The following PFN1 variants were observed in gnomAD, a reference collection of about 807,000 sequenced individuals.
PFN1 encodes profilin-1.
In PFN1, 2 loss-of-function variants were observed where a neutral mutation model predicts 11.7. The observed-to-expected ratio is 0.17, with a 90% CI of 0.07 to 0.54. The LOEUF is 0.54. PFN1 is among the 20% of genes least tolerant of loss of function. The probability of loss-of-function intolerance (pLI) is 0.94; values close to 1 mark genes in which losing one functional copy is unlikely to be tolerated. For synonymous variants in PFN1, 78 were observed against 76.2 expected (o/e 1.02, Z -0.12); for missense variants, 97 against 188.4 (o/e 0.51, Z 2.84).
At chr17:4,946,921 G>T in intron 1 of PFN1, 101 bp from the exon 2 acceptor site, 1 of 952,772 alleles carries the variant, frequency 1.0e-6, no homozygotes. Flanking sequence ...GAACCACCCC[G>T]CCGTGGGGGC....
chr17:4,946,322 G>A (rs1029181237), intron 2 of PFN1, among the ~76,000 whole-genome samples: 4 of 152,204 alleles, frequency 2.6e-5, no homozygotes, highest in African/African-American at 4.8e-5. Context: ...GAACTCAAAC[G>A]ATGAACTCGA....
chr17:4,946,251 T>C lies in PFN1; in HGVS notation c.326-254A>G, dbSNP rs78224458. Reference sequence around the variant, plus strand: ...GGGTCAAAGGCTCATAGACTGTTGATTCATGTGTTCAGGCTAGAAAGGGCT... The same window carrying C: ...GGGTCAAAGGCTCATAGACTGTTGACTCATGTGTTCAGGCTAGAAAGGGCT... On this transcript the variant is annotated intron_variant, in intron 2 of 2. Transcript: ENST00000225655. Among the ~76,000 whole-genome samples, 2,295 of 152,252 alleles carry C rather than the reference T, an allele frequency of 0.015. 123 individuals are homozygous for C. The highest frequency in any genetic ancestry group is 0.14 in the East Asian group (715 of 5,180).
chr17:4,948,058 G>A (rs1035940970), intron 1 of PFN1: 3 of 496,110 alleles, frequency 6.0e-6, no homozygotes, highest in African/African-American at 2.0e-5. Context: ...GGTAGCGGGC[G>A]GGATGGGCGC....
rs372205846 is a variant in PFN1, at chr17:4,946,780, C to T, written c.173G>A (p.Ser58Asn). 5.6e-6 allele frequency: 9 copies of T among 1,613,798 alleles called. No individual in the cohort carries two copies. The highest frequency in any genetic ancestry group is 7.6e-6 in the Non-Finnish European group (9 of 1,179,864). ...AAGTGTCAGCCCATTCACGTAAAAA[C>T]TTGACCGGTCTTTGCCAACCAGGAC... ...VGVLVGKDRS[S>N]FYVNGLTLGG... Residue 58 changes from serine (S) to asparagine (N), a missense_variant, in exon 2 of 3, where the codon AGT becomes AAT. Ser to Asn is a conservative substitution (Grantham distance 46). Transcript: ENST00000225655.
chr17:4,948,259 G>C lies in PFN1; in HGVS notation c.132+4C>G. 6.2e-7 allele frequency: 1 copy of C among 1,603,516 alleles called. No individual in the cohort carries two copies. Among genetic ancestry groups the C allele is most frequent in the Non-Finnish European group, 8.5e-7 (1 of 1,176,154 alleles). On this transcript the variant is annotated splice_donor_region_variant and intron_variant, in intron 1 of 2. Transcript: ENST00000225655. ...TGCCCCGGACCGCGCAGGCCTCGCA[G>C]TACCGTGATGTTGACGAACGTTTTC...
Position 4,948,508 on chromosome 17 carries a change from C to G in PFN1, c.-114G>C. ...AGAGCTCGGGGCACGCGCTGCCGTC[C>G]GGACCGCGGCTCCGCTCGCTGTGCA... On this transcript the variant is annotated 5_prime_UTR_variant, in exon 1 of 3. Transcript: ENST00000225655. The G allele has an allele frequency of 2.5e-6, 3 of 1,210,424 alleles. No individual in the cohort carries two copies. The highest frequency in any genetic ancestry group is 3.3e-6 in the Non-Finnish European group (3 of 918,900). 75.0% of individuals were successfully genotyped at this position (1,210,424 alleles called of 1,614,324 possible).
intron 2 of PFN1, 74 bp from the exon 3 acceptor site, chr17:4,946,071 G>T: frequency 8.7e-7 from 1 of 1,145,930 alleles, no homozygotes; most frequent in Non-Finnish European, 1.3e-6. Flanking sequence ...CTGTTCAGCA[G>T]CTGTCCAGCC....
rs1971445070 is a variant in PFN1, at chr17:4,948,050, T to G, written c.132+213A>C. 6.3e-6 allele frequency: 3 copies of G among 475,504 alleles called. No homozygotes were observed. In the South Asian group the frequency reaches 1.1e-4, roughly 17 times the overall value. The allele number at this position is 475,504 out of a possible 1,614,324, so 29.5% of individuals were successfully genotyped here. On this transcript the variant is annotated intron_variant, in intron 1 of 2. Transcript: ENST00000225655. ...TAACGCCCCGTCGCGGAAAGCGGGG[T>G]AGCGGGCGGGATGGGCGCCGCCGCC...
At position 4,948,472 on chromosome 17, in the gene PFN1, G is replaced by T. The variant is rs569094456; in HGVS notation, c.-78C>A. On this transcript the variant is annotated 5_prime_UTR_variant, in exon 1 of 3. Transcript: ENST00000225655. ...CTCGAGCTGCCTCGGCTGGCGGGCG[G>T]GGGGAGGCGGAGAGCTCGGGGCACG... 10 of 1,450,214 alleles carry T rather than the reference G, an allele frequency of 6.9e-6. No individual in the cohort carries two copies. The highest frequency in any genetic ancestry group is 2.7e-5 in the East Asian group (1 of 36,800). The allele number at this position is 1,450,214 out of a possible 1,614,324, so 89.8% of individuals were successfully genotyped here. A position where few individuals can be genotyped will look rare whatever the true frequency, so the allele number is the denominator to read the frequency against.
At chr17:4,947,110 G>C (rs1399568959) in intron 1 of PFN1, 2 of 207,722 alleles carry the variant, frequency 9.6e-6, no homozygotes, top group African/African-American at 2.3e-5. Context: ...AGTAAACCCA[G>C]GAAATAAAGG....
chr17:4,947,888 G>A (rs1203313456), intron 1 of PFN1, among the ~76,000 whole-genome samples: 1 of 152,140 alleles, frequency 6.6e-6, no homozygotes, highest in Non-Finnish European at 1.5e-5. Flanking sequence ...GGGAGCTGGG[G>A]GTCCAAGGAT....
chr17:4,946,541 T>A (rs1555552173), intron 2 of PFN1, 87 bp downstream of exon 2: 10 of 1,045,118 alleles, frequency 9.6e-6, no homozygotes, highest in Non-Finnish European at 1.4e-6. Context: ...TGTTGGGGAA[T>A]CACACAAAAA....
intron 1 of PFN1, 24 bp from the exon 2 acceptor site, chr17:4,946,844 T>A (rs1971408013): frequency 1.3e-6 from 2 of 1,593,392 alleles, no homozygotes; most frequent in Non-Finnish European, 1.7e-6. Context: ...CAAGCGCCCA[T>A]CAAGTTAGTC....
At chr17:4,946,957 A>C in intron 1 of PFN1, 137 bp from the exon 2 acceptor site, 1 of 586,278 alleles carries the variant, frequency 1.7e-6, no homozygotes, top group Non-Finnish European at 2.9e-6. Context: ...TACTCAGTAC[A>C]CATCAATGAA....
chr17:4,946,444 G>A (rs1332644880), intron 2 of PFN1, among the ~76,000 whole-genome samples, 184 bp downstream of exon 2: 1 of 152,238 alleles, frequency 6.6e-6, no homozygotes, highest in African/African-American at 2.4e-5. Context: ...CGAATTACAA[G>A]ATGAGGAACT....
At chr17:4,946,598 C>CT in intron 2 of PFN1, 30 bp downstream of exon 2, 1 of 1,554,196 alleles carries the variant, frequency 6.4e-7, no homozygotes, top group South Asian at 1.2e-5. Flanking sequence ...GATCTTGGAG[C>CT]TAAAGGAAGG....
intron 2 of PFN1, among the ~76,000 whole-genome samples, 166 bp downstream of exon 2, chr17:4,946,462 A>G (rs1233473224): frequency 1.3e-5 from 2 of 152,228 alleles, no homozygotes; most frequent in Non-Finnish European, 2.9e-5. Context: ...ACTGAGACAG[A>G]ATGGAGGGAC....
intron 1 of PFN1, 55 bp downstream of exon 1, chr17:4,948,208 C>T: frequency 6.5e-7 from 1 of 1,527,884 alleles, no homozygotes. Flanking sequence ...ACCCAAGTCC[C>T]TCCCTCAGGG....
chr17:4,946,921 G>A (rs1971409659), intron 1 of PFN1, 101 bp from the exon 2 acceptor site: 2 of 952,656 alleles, frequency 2.1e-6, no homozygotes, highest in African/African-American at 3.3e-5. Flanking sequence ...GAACCACCCC[G>A]CCGTGGGGGC....
Sources: allele counts gnomAD v4.1 joint callset (sites outside exome capture counted in the v4.1 genomes callset), GRCh38; gene constraint gnomAD v4.1.1; transcripts MANE v1.5; gene names NCBI Gene and HGNC (gene_info 2026-07-23, HGNC 2026-07-21).